Variants in RSRC1 observed in about 807,000 individuals in gnomAD.
RSRC1 encodes arginine and serine rich coiled-coil 1, also known as serine/Arginine-related protein 53.
Under a neutral mutation model 49.1 loss-of-function variants are expected in RSRC1, and 39 were observed. The ratio of observed to expected loss-of-function variants is 0.79; its 90% CI spans 0.61 to 1.04. RSRC1 has a LOEUF of 1.04. Ranked by LOEUF, RSRC1 falls within the 50% of genes least tolerant of loss-of-function variation. The pLI, the probability that RSRC1 is intolerant of heterozygous loss-of-function variation, is 0.00. For synonymous variants in RSRC1, 143 were observed against 130.8 expected, an observed-to-expected ratio of 1.09 and a Z score of -0.63; for missense variants, 388 against 402.4, an observed-to-expected ratio of 0.96 and a Z score of 0.31.
chr3:158,514,181 C>T (rs1224430333), intron 7 of RSRC1, among the ~76,000 whole-genome samples: 12 of 152,148 alleles, frequency 7.9e-5, no homozygotes, highest in Admixed American at 7.2e-4. Flanking sequence ...TTTCCTCTTG[C>T]TTTTCTTGTT....
At chr3:158,296,572 A>C (rs971042397) in intron 4 of RSRC1, among the ~76,000 whole-genome samples, 1 of 152,220 alleles carries the variant, frequency 6.6e-6, no homozygotes, top group East Asian at 1.9e-4. Context: ...TGAAAATGTA[A>C]AGATTCATTT....
At chr3:158,461,613 G>C (rs575959080) in intron 7 of RSRC1, among the ~76,000 whole-genome samples, 1 of 151,286 alleles carries the variant, frequency 6.6e-6, no homozygotes, top group Admixed American at 6.6e-5. Flanking sequence ...TTTTCTTCAC[G>C]GGGGATTATA....
At chr3:158,349,700 T>TTC (rs1015347110) in intron 5 of RSRC1, among the ~76,000 whole-genome samples, 2 of 141,756 alleles carry the variant, frequency 1.4e-5, no homozygotes, top group African/African-American at 5.3e-5. Flanking sequence ...CCTTTTTTTT[T>TTC]TTTTTTTTTT....
intron 6 of RSRC1, among the ~76,000 whole-genome samples, chr3:158,360,746 G>T (rs867241312): frequency 5.9e-5 from 9 of 152,224 alleles, no homozygotes; most frequent in Middle Eastern, 6.3e-3. Flanking sequence ...GTGGAGAGAG[G>T]CCAGGCAGCA....
intron 6 of RSRC1, among the ~76,000 whole-genome samples, chr3:158,430,514 C>G (rs1387884768): frequency 6.6e-6 from 1 of 151,834 alleles, no homozygotes; most frequent in Non-Finnish European, 1.5e-5. Context: ...AAAGGGGAAA[C>G]TGGTGTCCAG....
intron 6 of RSRC1, among the ~76,000 whole-genome samples, chr3:158,405,685 C>G (rs748027671): frequency 6.6e-6 from 1 of 152,052 alleles, no homozygotes; most frequent in Non-Finnish European, 1.5e-5. Flanking sequence ...CTAGCCTTTT[C>G]ATAGATGAGC....
At position 158,203,063 on chromosome 3, in the gene RSRC1, T is replaced by C; in HGVS notation, c.321-9T>C. 1 of 1,603,476 alleles carries C rather than the reference T, an allele frequency of 6.2e-7. No individual in the cohort carries two copies. The highest frequency in any genetic ancestry group is 8.5e-7 in the Non-Finnish European group (1 of 1,173,262). On this transcript the variant is annotated splice_polypyrimidine_tract_variant and intron_variant, in intron 3 of 9. Transcript: ENST00000611884. ...ACTAAGTTTATTTAACAAAATCTGC[T>C]TACTGTAGGTCCAGGTCAAGACCTC...
chr3:158,333,878 T>A (rs1240728808), intron 5 of RSRC1, among the ~76,000 whole-genome samples: 1 of 151,982 alleles, frequency 6.6e-6, no homozygotes, highest in African/African-American at 2.4e-5. Flanking sequence ...AATAAAGAAG[T>A]TGAAAGAAAA....
intron 4 of RSRC1, among the ~76,000 whole-genome samples, chr3:158,266,744 C>CT (rs1172951924): frequency 2.0e-5 from 3 of 151,844 alleles, no homozygotes; most frequent in Non-Finnish European, 2.9e-5. Flanking sequence ...ATTTCACCTT[C>CT]TTTTTTTTCC....
At chr3:158,338,609 A>G (rs530977490) in intron 5 of RSRC1, among the ~76,000 whole-genome samples, 36 of 152,330 alleles carry the variant, frequency 2.4e-4, no homozygotes, top group African/African-American at 8.4e-4. Flanking sequence ...AGCTTTTTAG[A>G]TGGTGCTCAC....
chr3:158,154,196 G>A (rs563089975), intron 3 of RSRC1, among the ~76,000 whole-genome samples: 40 of 152,128 alleles, frequency 2.6e-4, no homozygotes, highest in African/African-American at 8.7e-4. Context: ...AAAAAACAAT[G>A]TACATACCTT....
chr3:158,347,254 T>A (rs1560004101), intron 5 of RSRC1, among the ~76,000 whole-genome samples: 1 of 152,180 alleles, frequency 6.6e-6, no homozygotes, highest in African/African-American at 2.4e-5. Context: ...ACACAGTACC[T>A]TATATAGAAG....
chr3:158,539,248 G>A lies in RSRC1; in HGVS notation c.759+2050G>A, dbSNP rs142994763. Among the ~76,000 whole-genome samples the A allele has an allele frequency of 2.6e-4, 40 of 152,068 alleles. No individual in the cohort carries two copies. The highest frequency in any genetic ancestry group is 8.7e-4 in the African/African-American group (36 of 41,528). On this transcript the variant is annotated intron_variant, in intron 8 of 9. Coordinates refer to ENST00000611884, the MANE Select transcript of RSRC1 (RefSeq NM_001271838.2). This position sits in a 1 kb window ranked among gnomAD's most constrained non-coding sequence, Gnocchi z 4.1. ...GCTGGCCACCCCTTCAGTTGGTACC[G>A]TATTTGTTTAGCTGTGTTAATTCCA...
At chr3:158,153,208 C>G (rs6786173) in intron 3 of RSRC1, among the ~76,000 whole-genome samples, 4,513 of 152,174 alleles carry the variant, frequency 0.03, 227 homozygotes, top group African/African-American at 0.1. Context: ...AATCTTGTGT[C>G]AGTTACTTAA....
chr3:158,420,284 T>A (rs971260222), intron 6 of RSRC1, among the ~76,000 whole-genome samples: 2 of 151,924 alleles, frequency 1.3e-5, no homozygotes, highest in Non-Finnish European at 2.9e-5. Context: ...GCACTCTTAA[T>A]GAATAAGGAA....
intron 4 of RSRC1, among the ~76,000 whole-genome samples, chr3:158,256,177 A>G (rs993076051): frequency 2.6e-5 from 4 of 152,286 alleles, no homozygotes; most frequent in Admixed American, 2.6e-4. Flanking sequence ...TTGCCCATTC[A>G]GTATGATATT....
intron 5 of RSRC1, among the ~76,000 whole-genome samples, chr3:158,325,590 C>G (rs1213104345): frequency 2.0e-5 from 3 of 152,090 alleles, no homozygotes; most frequent in African/African-American, 7.2e-5. Context: ...TGATCTATAT[C>G]TCTGTTTTGG....
intron 7 of RSRC1, among the ~76,000 whole-genome samples, chr3:158,510,225 G>A (rs1413785847): frequency 6.6e-6 from 1 of 152,134 alleles, no homozygotes; most frequent in Non-Finnish European, 1.5e-5. Flanking sequence ...GTCTTCTCAT[G>A]TATGTATTGG....
intron 6 of RSRC1, among the ~76,000 whole-genome samples, chr3:158,400,234 TC>T (rs1013919409): frequency 1.3e-5 from 2 of 152,042 alleles, no homozygotes; most frequent in African/African-American, 4.8e-5. Flanking sequence ...ATGTCATAAT[TC>T]AGTACATTAT....
Sources: allele counts gnomAD v4.1 joint callset (sites outside exome capture counted in the v4.1 genomes callset), GRCh38; gene constraint gnomAD v4.1.1; non-coding constraint Gnocchi (gnomAD v3.1); transcripts MANE v1.5; gene names NCBI Gene and HGNC (gene_info 2026-07-23, HGNC 2026-07-21).